Variants in ARHGAP42 observed in about 807,000 individuals in gnomAD.
ARHGAP42 encodes the protein Rho GTPase activating protein 42, also known as rho GTPase-activating protein 42.
Under a neutral mutation model 125.0 loss-of-function variants are expected in ARHGAP42, and 63 were observed. The observed-to-expected ratio is 0.50, with a 90% CI of 0.41 to 0.62. The LOEUF is 0.62. Ranked by LOEUF, ARHGAP42 falls within the 20% of genes least tolerant of loss-of-function variation. The pLI, the probability that ARHGAP42 is intolerant of heterozygous loss-of-function variation, is 0.00. For synonymous variants in ARHGAP42, 339 were observed against 351.0 expected, an observed-to-expected ratio of 0.97 and a Z score of 0.38; for missense variants, 766 against 1,024.2, an observed-to-expected ratio of 0.75 and a Z score of 3.44.
At chr11:100,808,517 T>G (rs994121564) in intron 3 of ARHGAP42, among the ~76,000 whole-genome samples, 1 of 149,918 alleles carries the variant, frequency 6.7e-6, no homozygotes, top group Non-Finnish European at 1.5e-5. Context: ...GCCATTCTCC[T>G]GCCTCAGCCT....
chr11:100,898,066 G>A (rs1203216637), intron 4 of ARHGAP42, among the ~76,000 whole-genome samples: 1 of 152,112 alleles, frequency 6.6e-6, no homozygotes, highest in Non-Finnish European at 1.5e-5. Context: ...GCTGAATTTT[G>A]TCAAAGGCCT....
chr11:100,883,487 TGCCCGCCACC>T (rs1193786676), intron 4 of ARHGAP42, among the ~76,000 whole-genome samples: 1 of 151,882 alleles, frequency 6.6e-6, no homozygotes, highest in African/African-American at 2.4e-5. Flanking sequence ...GGATTACAGG[TGCCCGCCACC>T]ATGCCCGGCT....
intron 4 of ARHGAP42, among the ~76,000 whole-genome samples, chr11:100,874,440 A>G (rs2135164158): frequency 6.6e-6 from 1 of 152,334 alleles, no homozygotes; most frequent in East Asian, 1.9e-4. Context: ...GTTACCTGCC[A>G]GACATTCAAG....
rs192286301 is a variant in ARHGAP42 at position 100,796,581 on chromosome 11, G to A, written c.312+1415G>A. On this transcript the variant is annotated intron_variant, in intron 3 of 23. Transcript: ENST00000298815. ...CTTGAAACAAATAGTTAGCAAAGTG[G>A]TGAGTGCAAAGGAAAGTTCTTGGAG... 3.9e-4 allele frequency among the ~76,000 whole-genome samples: 59 copies of A among 152,252 alleles called. 1 individual carries two copies. The highest frequency in any genetic ancestry group is 5.2e-4 in the Admixed American group (8 of 15,298).
At chr11:100,773,891 C>T (rs113362993) in intron 2 of ARHGAP42, among the ~76,000 whole-genome samples, 2 of 152,272 alleles carry the variant, frequency 1.3e-5, no homozygotes, top group African/African-American at 4.8e-5. Flanking sequence ...GAAGAATCTA[C>T]ACAAGCAGAT....
chr11:100,911,568 G>C (rs1866918778), intron 4 of ARHGAP42, among the ~76,000 whole-genome samples: 1 of 152,126 alleles, frequency 6.6e-6, no homozygotes, highest in Non-Finnish European at 1.5e-5. Context: ...TCATGGATAG[G>C]GAGCTGAAAA....
At chr11:100,861,866 T>C (rs1379615483) in intron 4 of ARHGAP42, among the ~76,000 whole-genome samples, 5 of 152,162 alleles carry the variant, frequency 3.3e-5, no homozygotes, top group African/African-American at 2.4e-5. Context: ...TTCTAGGTGC[T>C]TATTAAAATC....
intron 12 of ARHGAP42, among the ~76,000 whole-genome samples, chr11:100,957,798 T>A (rs991816169): frequency 1.3e-5 from 2 of 152,038 alleles, no homozygotes; most frequent in Admixed American, 1.3e-4. Flanking sequence ...GTGATATCAG[T>A]TTATTAGAAA....
At chr11:100,939,734 G>A (rs1867825967) in intron 8 of ARHGAP42, among the ~76,000 whole-genome samples, 1 of 152,140 alleles carries the variant, frequency 6.6e-6, no homozygotes, top group South Asian at 2.1e-4. Context: ...TTTGGGAACT[G>A]TAGAATTGCT....
intron 2 of ARHGAP42, among the ~76,000 whole-genome samples, chr11:100,772,931 G>C (rs569755461): frequency 2.9e-4 from 44 of 152,276 alleles, no homozygotes; most frequent in South Asian, 8.3e-4. Flanking sequence ...CCGCCTCCTG[G>C]GTTTGAGTGA....
At chr11:100,860,335 T>C (rs1865416489) in intron 4 of ARHGAP42, among the ~76,000 whole-genome samples, 1 of 152,124 alleles carries the variant, frequency 6.6e-6, no homozygotes, top group Non-Finnish European at 1.5e-5. Flanking sequence ...CTTTCCTCTT[T>C]ACGTCTGTCT....
intron 1 of ARHGAP42, among the ~76,000 whole-genome samples, chr11:100,728,232 A>C (rs535767223): frequency 3.4e-4 from 52 of 152,272 alleles, no homozygotes; most frequent in Non-Finnish European, 6.5e-4. Context: ...GAATCTCCTT[A>C]ATCAAGCAGT....
chr11:100,822,980 C>T (rs921317091), intron 3 of ARHGAP42, among the ~76,000 whole-genome samples: 1 of 152,098 alleles, frequency 6.6e-6, no homozygotes, highest in Admixed American at 6.6e-5. Flanking sequence ...TCTCATGTGA[C>T]AGAGGAGCCT....
intron 5 of ARHGAP42, among the ~76,000 whole-genome samples, chr11:100,913,926 C>CATTTT (rs762494735): frequency 4.6e-4 from 70 of 152,038 alleles, no homozygotes; most frequent in Non-Finnish European, 6.6e-4. Flanking sequence ...CACAGCTACA[C>CATTTT]ATTTTATTTT....
chr11:100,795,002 T>C (rs979657825), intron 2 of ARHGAP42, 103 bp from the exon 3 acceptor site: 8 of 826,156 alleles, frequency 9.7e-6, no homozygotes, highest in Admixed American at 5.6e-5. Context: ...GAATATACTA[T>C]ATACAAATTA....
At chr11:100,782,249 C>G (rs1863333080) in intron 2 of ARHGAP42, among the ~76,000 whole-genome samples, 1 of 152,270 alleles carries the variant, frequency 6.6e-6, no homozygotes, top group South Asian at 2.1e-4. Flanking sequence ...TTTCTTCTAG[C>G]ATCCATATAT....
At position 100,993,731 on chromosome 11, in the gene ARHGAP42, A is replaced by C. The variant is rs1858902557; in HGVS notation, c.*4930A>C. 6.0e-6 allele frequency: 1 copy of C among 167,092 alleles called. No individual in the cohort carries two copies. The highest frequency in any genetic ancestry group is 1.5e-5 in the Non-Finnish European group (1 of 68,114). The allele number at this position is 167,092 out of a possible 1,614,324, so 10.4% of individuals were successfully genotyped here. Reference sequence around the variant, plus strand: ...ATGACAAATTAAGTAATAAATATAAAAGTGATTGTCCATAAATTATCATTG... The same window carrying C: ...ATGACAAATTAAGTAATAAATATAACAGTGATTGTCCATAAATTATCATTG... On this transcript the variant is annotated 3_prime_UTR_variant, in exon 24 of 24. Transcript: ENST00000298815.
At chr11:100,977,069 T>C (rs1858412766) in intron 21 of ARHGAP42, 98 bp downstream of exon 21, 2 of 1,346,748 alleles carry the variant, frequency 1.5e-6, no homozygotes, top group East Asian at 2.5e-5. Context: ...GTTGAATACA[T>C]TGGGAATACT....
intron 3 of ARHGAP42, among the ~76,000 whole-genome samples, chr11:100,850,021 G>GA (rs1865164401): frequency 1.3e-5 from 2 of 152,022 alleles, no homozygotes; most frequent in Non-Finnish European, 2.9e-5. Flanking sequence ...TAACCTTACT[G>GA]TAGCCGTGCT....
Sources: gnomAD v4.1 joint callset for allele counts (sites outside exome capture counted in the v4.1 genomes callset) on GRCh38, gnomAD v4.1.1 for gene constraint, MANE v1.5 for transcripts, NCBI Gene and HGNC (gene_info 2026-07-23, HGNC 2026-07-21) for gene names.